Variants in SNTG2 observed in about 807,000 individuals in gnomAD.
SNTG2 encodes gamma-2-syntrophin.
SNTG2 carries 74 observed loss-of-function variants against 70.9 expected under a neutral mutation model. The ratio of observed to expected loss-of-function variants is 1.04; its 90% CI spans 0.86 to 1.27. SNTG2 has a LOEUF of 1.27. Among genes scored for constraint, SNTG2 ranks in the 50% most tolerant of loss-of-function variants. SNTG2 has a pLI of 0.00. For synonymous variants in SNTG2, 278 were observed against 273.8 expected (o/e 1.02, Z -0.15); for missense variants, 717 against 690.7 (o/e 1.04, Z -0.43).
At chr2:1,127,574 T>C (rs917996156) in intron 4 of SNTG2, among the ~76,000 whole-genome samples, 11 of 152,150 alleles carry the variant, frequency 7.2e-5, no homozygotes, top group African/African-American at 2.7e-4. Context: ...TCTTGATTTT[T>C]CCAGTCTGTG....
At chr2:1,267,247 G>A (rs1678788758) in intron 13 of SNTG2, 118 bp from the exon 14 acceptor site, 1 of 922,576 alleles carries the variant, frequency 1.1e-6, no homozygotes, top group Non-Finnish European at 1.7e-6. Flanking sequence ...CTCCTTGTCT[G>A]CACCCAGGAG....
intron 14 of SNTG2, 43 bp from the exon 15 acceptor site, chr2:1,308,451 C>T (rs1315988837): frequency 5.3e-6 from 8 of 1,509,742 alleles, no homozygotes; most frequent in African/African-American, 2.8e-5. Context: ...AGTTAAACAG[C>T]ATTATTAAAG....
chr2:989,267 A>G (rs940105408), intron 1 of SNTG2, among the ~76,000 whole-genome samples: 1 of 152,174 alleles, frequency 6.6e-6, no homozygotes, highest in Non-Finnish European at 1.5e-5. Flanking sequence ...ATAAAATGTT[A>G]AAAAGACAAG....
At chr2:1,118,733 G>A (rs754933438) in intron 4 of SNTG2, among the ~76,000 whole-genome samples, 1 of 151,946 alleles carries the variant, frequency 6.6e-6, no homozygotes, top group African/African-American at 2.4e-5. Flanking sequence ...AATAGAAAAC[G>A]GAATAAAAAT....
intron 6 of SNTG2, 30 bp downstream of exon 6, chr2:1,137,839 G>C (rs756117682): frequency 1.3e-6 from 2 of 1,566,002 alleles, no homozygotes; most frequent in Non-Finnish European, 1.8e-6. Flanking sequence ...TAGTTATTCT[G>C]TTTATTATTC....
chr2:1,121,079 A>T (rs1667346683), intron 4 of SNTG2, among the ~76,000 whole-genome samples: 1 of 151,940 alleles, frequency 6.6e-6, no homozygotes, highest in Admixed American at 6.6e-5. Flanking sequence ...GAAGGAAACT[A>T]AAAATCAGTA....
rs187395948 is a variant in SNTG2, at chr2:1,098,330, T to C, written c.268-23T>C. 7.1e-4 allele frequency: 1,154 copies of C among 1,614,000 alleles called. 13 individuals carry two copies. In the Middle Eastern group the frequency reaches 0.02, roughly 28 times the overall value. On this transcript the variant is annotated intron_variant, in intron 3 of 16. Coordinates refer to ENST00000308624, the MANE Select transcript of SNTG2 (RefSeq NM_018968.4). ...GTGTGAATCATGATAACCACGTTTCTTTCTGATGGCTTTGTCTTTCAGGGA... is the reference window on the plus strand; with the variant it reads ...GTGTGAATCATGATAACCACGTTTCCTTCTGATGGCTTTGTCTTTCAGGGA...
At chr2:1,069,753 T>C (rs1372071152) in intron 1 of SNTG2, among the ~76,000 whole-genome samples, 2 of 152,048 alleles carry the variant, frequency 1.3e-5, no homozygotes, top group East Asian at 3.9e-4. Flanking sequence ...ATCGCACCAC[T>C]GCACTGCAGC....
intron 9 of SNTG2, among the ~76,000 whole-genome samples, chr2:1,222,224 G>A (rs1023626651): frequency 2.6e-5 from 4 of 151,878 alleles, no homozygotes; most frequent in South Asian, 2.1e-4. Context: ...TTTCACCTCT[G>A]AGGATTATTC....
chr2:1,350,282 C>T (rs2148305104), intron 16 of SNTG2, among the ~76,000 whole-genome samples: 2 of 152,244 alleles, frequency 1.3e-5, no homozygotes, highest in African/African-American at 4.8e-5. Context: ...TTGGATGTAA[C>T]CACATTAGTT....
intron 1 of SNTG2, among the ~76,000 whole-genome samples, chr2:990,281 A>T (rs1408205758): frequency 6.6e-6 from 1 of 152,144 alleles, no homozygotes; most frequent in Non-Finnish European, 1.5e-5. Context: ...TGCAGGTGCT[A>T]ATCAGAGGAG....
intron 4 of SNTG2, among the ~76,000 whole-genome samples, chr2:1,098,986 G>A (rs1291200344): frequency 6.6e-6 from 1 of 151,616 alleles, no homozygotes; most frequent in African/African-American, 2.4e-5. Context: ...GTGTAGAATC[G>A]AAAAGTGAGG....
intron 1 of SNTG2, among the ~76,000 whole-genome samples, chr2:981,135 A>C (rs192877132): frequency 6.6e-6 from 1 of 152,084 alleles, no homozygotes; most frequent in Non-Finnish European, 1.5e-5. Flanking sequence ...GACTCATTCT[A>C]TTGTAGCTTT....
chr2:1,011,797 A>G (rs552028575), intron 1 of SNTG2, among the ~76,000 whole-genome samples: 21 of 152,146 alleles, frequency 1.4e-4, no homozygotes, highest in Non-Finnish European at 2.8e-4. Context: ...GCTTATTATC[A>G]ACTAAAAAAC....
At chr2:1,283,475 T>C (rs1422860878) in intron 14 of SNTG2, among the ~76,000 whole-genome samples, 2 of 152,198 alleles carry the variant, frequency 1.3e-5, no homozygotes, top group Non-Finnish European at 2.9e-5. Flanking sequence ...GGAGCTGCTG[T>C]GCACCTGCAG....
At chr2:1,180,261 A>G (rs1301426111) in intron 8 of SNTG2, among the ~76,000 whole-genome samples, 2,407 of 101,354 alleles carry the variant, frequency 0.024, no homozygotes, top group East Asian at 0.06. Flanking sequence ...AAAAGAAACT[A>G]CCATCAGAGT....
chr2:1,243,047 G>A (rs1677151609), intron 11 of SNTG2, among the ~76,000 whole-genome samples: 3 of 152,286 alleles, frequency 2.0e-5, no homozygotes, highest in African/African-American at 7.2e-5. Flanking sequence ...AGCATCCGAT[G>A]TTTCCAACAA....
intron 4 of SNTG2, among the ~76,000 whole-genome samples, chr2:1,099,193 C>T (rs1350144460): frequency 6.6e-6 from 1 of 152,168 alleles, no homozygotes; most frequent in African/African-American, 2.4e-5. Flanking sequence ...TCCTCCCCTG[C>T]TCTCCAGAGC....
intron 16 of SNTG2, among the ~76,000 whole-genome samples, chr2:1,362,741 G>C (rs910946902): frequency 6.6e-6 from 1 of 151,872 alleles, no homozygotes; most frequent in Non-Finnish European, 1.5e-5. Flanking sequence ...CACCGACGCT[G>C]AGCATTTCAA....
Sources: allele counts gnomAD v4.1 joint callset (sites outside exome capture counted in the v4.1 genomes callset), GRCh38; gene constraint gnomAD v4.1.1; transcripts MANE v1.5; gene names NCBI Gene and HGNC (gene_info 2026-07-23, HGNC 2026-07-21).